The following EIF4ENIF1 variants were observed in gnomAD, a reference collection of about 807,000 sequenced individuals.
The protein encoded by EIF4ENIF1 is eukaryotic translation initiation factor 4E nuclear import factor 1.
EIF4ENIF1 carries 23 observed loss-of-function variants against 110.5 expected under a neutral mutation model. The observed-to-expected ratio is 0.21, with a 90% CI of 0.15 to 0.29. The LOEUF (loss-of-function observed/expected upper bound fraction) is 0.29. Ranked by LOEUF, EIF4ENIF1 falls within the 10% of genes least tolerant of loss-of-function variation. The pLI is 1.00. For synonymous variants in EIF4ENIF1, 440 were observed against 437.0 expected, an observed-to-expected ratio of 1.01 and a Z score of -0.09; for missense variants, 1,031 against 1,221.1, an observed-to-expected ratio of 0.84 and a Z score of 2.32.
intron 2 of EIF4ENIF1, among the ~76,000 whole-genome samples, chr22:31,485,953 CA>C (rs201549013): frequency 6.7e-6 from 1 of 149,190 alleles, no homozygotes; most frequent in East Asian, 2.0e-4. Flanking sequence ...ACTAAAAATA[CA>C]AAAAAAAATA....
In EIF4ENIF1 at chr22:31,454,334, C is replaced by A; in HGVS notation, c.1322G>T (p.Gly441Val). The change falls in exon 10 of 19, where the codon GGT becomes GTT. Residue 441 changes from glycine (G) to valine (V), a missense_variant. Gly to Val is a moderately radical substitution (Grantham distance 109, BLOSUM62 -3). Around this residue, in one of 3 missense-constraint regions of EIF4ENIF1, gnomAD observed 704 missense variants for 879.7 expected, o/e 0.80. Coordinates refer to ENST00000330125, the MANE Select transcript of EIF4ENIF1 (RefSeq NM_019843.4). ...VVLSVEEVEA[G>V]LKGLKVDQQV... ...CTGGTCAACCTTCAAGCCCTTCAGA[C>A]CTGCTTCTACCTCCTCCACTGAAAG... The A allele has an allele frequency of 3.1e-6, 5 of 1,614,156 alleles. No homozygotes were observed. The highest frequency in any genetic ancestry group is 4.2e-6 in the Non-Finnish European group (5 of 1,180,022).
intron 7 of EIF4ENIF1, among the ~76,000 whole-genome samples, chr22:31,457,203 A>C (rs1427783305): frequency 6.6e-6 from 1 of 152,202 alleles, no homozygotes; most frequent in African/African-American, 2.4e-5. Flanking sequence ...GAGAGTTTTC[A>C]GGTGTTTTCT....
rs745983478 is a variant in EIF4ENIF1 at position 31,487,657 on chromosome 22, G to C, written c.96+966C>G. Among the ~76,000 whole-genome samples the C allele has an allele frequency of 2.4e-4, 37 of 151,950 alleles. 1 individual carries two copies. The highest frequency in any genetic ancestry group is 1.9e-4 in the East Asian group (1 of 5,178). On this transcript the variant is annotated intron_variant, in intron 2 of 18. Transcript: ENST00000330125. Reference sequence around the variant, plus strand: ...ATACAAAAATTAGCCGAGCGTACTGGTGCACGCCTGTGGTCCCAGCTACTC... The same window carrying C: ...ATACAAAAATTAGCCGAGCGTACTGCTGCACGCCTGTGGTCCCAGCTACTC...
At position 31,455,884 on chromosome 22, in the gene EIF4ENIF1, G is replaced by A. The variant is rs1280065525; in HGVS notation, c.1067C>T (p.Ser356Leu). The change falls in exon 8 of 19, where the codon TCA becomes TTA. Residue 356 changes from serine (S) to leucine (L), a missense_variant. Coordinates refer to ENST00000330125, the MANE Select transcript of EIF4ENIF1 (RefSeq NM_019843.4). ...RSGSRSSSLG[S>L]TPHEELERLA... ...TCTCTCTAGCTCTTCATGTGGTGTTGACCCAAGACTGCTGGATCGGCTTCC... is the reference window on the plus strand; with the variant it reads ...TCTCTCTAGCTCTTCATGTGGTGTTAACCCAAGACTGCTGGATCGGCTTCC... The A allele has an allele frequency of 6.2e-7, 1 of 1,614,064 alleles. No individual in the cohort carries two copies. Among genetic ancestry groups the A allele is most frequent in the African/African-American group, 1.3e-5 (1 of 74,926 alleles).
intron 11 of EIF4ENIF1, 121 bp from the exon 12 acceptor site, chr22:31,449,652 T>A (rs541496293): frequency 1.2e-6 from 1 of 811,732 alleles, no homozygotes; most frequent in Admixed American, 2.8e-5. Context: ...ACTGAAGGAC[T>A]TGGCATGTGT....
At chr22:31,454,510 C>T (rs916569167) in intron 9 of EIF4ENIF1, 134 bp from the exon 10 acceptor site, 7 of 732,178 alleles carry the variant, frequency 9.6e-6, no homozygotes, top group Non-Finnish European at 1.5e-5. Flanking sequence ...AAGACTGACA[C>T]CAAAAATAAA....
chr22:31,452,402 T>C (rs1374120536), intron 10 of EIF4ENIF1, among the ~76,000 whole-genome samples: 1 of 152,344 alleles, frequency 6.6e-6, no homozygotes, highest in East Asian at 1.9e-4. Flanking sequence ...ATCCATCCGT[T>C]TGGCAGGTGT....
In EIF4ENIF1 at chr22:31,454,265, T is replaced by C; in HGVS notation, c.1391A>G (p.Glu464Gly). The C allele has an allele frequency of 1.2e-6, 2 of 1,614,178 alleles. No homozygotes were observed. Among genetic ancestry groups the C allele is most frequent in the Non-Finnish European group, 1.7e-6 (2 of 1,180,028 alleles). ...ATTGTTGGTTACGGCACTCAAGGTCTCTTCTAGGTGTTCTGCCATGAAGGG... is the reference window on the plus strand; with the variant it reads ...ATTGTTGGTTACGGCACTCAAGGTCCCTTCTAGGTGTTCTGCCATGAAGGG... ...STPFMAEHLEETLSAVTNNRQ... is the reference protein window; with the variant it reads ...STPFMAEHLEGTLSAVTNNRQ... Residue 464 changes from glutamate (E) to glycine (G), a missense_variant, in exon 10 of 19, where the codon GAG (glutamate) becomes GGG (glycine). Coordinates refer to ENST00000330125, the MANE Select transcript of EIF4ENIF1 (RefSeq NM_019843.4).
chr22:31,458,398 C>T (rs1480152776), intron 7 of EIF4ENIF1, 77 bp downstream of exon 7: 2 of 1,296,702 alleles, frequency 1.5e-6, no homozygotes, highest in Non-Finnish European at 2.0e-6. Flanking sequence ...TCTAGCAAAA[C>T]AACACTTTCA....
chr22:31,488,547 G>A (rs1266827389), intron 2 of EIF4ENIF1, 76 bp downstream of exon 2: 1 of 1,579,546 alleles, frequency 6.3e-7, no homozygotes, highest in Non-Finnish European at 8.7e-7. Flanking sequence ...CCACTTAATA[G>A]GAATGAAATA....
chr22:31,474,574 G>C (rs1470105786), intron 2 of EIF4ENIF1, among the ~76,000 whole-genome samples: 1 of 149,706 alleles, frequency 6.7e-6, no homozygotes, highest in Middle Eastern at 3.2e-3. Flanking sequence ...AGCTATTTCT[G>C]AGAAATCCTA....
At chr22:31,493,368 GC>G (rs1382701640), upstream of EIF4ENIF1, among the ~76,000 whole-genome samples, 1 of 151,844 alleles carries the variant, frequency 6.6e-6, no homozygotes, top group East Asian at 1.9e-4. Context: ...TTGCTCTGTC[GC>G]CCAGGCTAGA....
At chr22:31,450,843 CT>C (rs764369573) in intron 10 of EIF4ENIF1, 7,853 of 96,424 alleles carry the variant, frequency 0.081, 212 homozygotes, top group African/African-American at 0.11. Flanking sequence ...TATATATATA[CT>C]ACACACACAC....
rs1201803174 is a variant in EIF4ENIF1, at chr22:31,463,840, T to C, written c.426A>G (p.Lys142=). 12 of 1,613,922 alleles carry C rather than the reference T, an allele frequency of 7.4e-6. No homozygotes were observed. Among genetic ancestry groups the C allele is most frequent in the Non-Finnish European group, 1.0e-5 (12 of 1,180,026 alleles). The change falls in exon 5 of 19, where the codon AAA becomes AAG. Residue 142 remains lysine (K), a synonymous_variant. Transcript: ENST00000330125. The part of the protein sequence containing the change: ...SSRRSGSPLE[K]DSDGLRLLGG... ...CAAGCAGACGAAGCCCATCACTATC[T>C]TTCTCTAATGGACTTCCTGAGCGCC...
chr22:31,444,616 A>G lies in EIF4ENIF1; in HGVS notation c.2063T>C (p.Ile688Thr). The change falls in exon 15 of 19, where the codon ATC (isoleucine) becomes ACC (threonine). Residue 688 changes from isoleucine to threonine, a missense_variant. Transcript: ENST00000330125. ...NSSSPAPAAS[I>T]TSMLSPSFTP... ...CTAAAGGTCACTGACCATGCTTGTG[A>G]TGGAGGCAGCAGGGGCAGGGGAAGA... 6.2e-7 allele frequency: 1 copy of G among 1,614,100 alleles called. No individual in the cohort carries two copies. The highest frequency in any genetic ancestry group is 8.5e-7 in the Non-Finnish European group (1 of 1,179,978).
chr22:31,491,842 C>T (rs1263318645), upstream of EIF4ENIF1, among the ~76,000 whole-genome samples: 1 of 152,170 alleles, frequency 6.6e-6, no homozygotes, highest in African/African-American at 2.4e-5. Context: ...CACACCTGAG[C>T]TTTCTTGAAA....
At chr22:31,486,280 A>AAT (rs1569110362) in intron 2 of EIF4ENIF1, among the ~76,000 whole-genome samples, 6 of 120,232 alleles carry the variant, frequency 5.0e-5, no homozygotes, top group Admixed American at 4.1e-4. Flanking sequence ...CAAAAAAAAA[A>AAT]AAATAAAAAT....
intron 14 of EIF4ENIF1, chr22:31,447,062 T>C (rs1210329760): frequency 2.2e-6 from 1 of 447,448 alleles, no homozygotes; most frequent in Non-Finnish European, 4.5e-6. Context: ...AAATGAATGG[T>C]TTAACTGGTA....
At chr22:31,473,183 C>G (rs1386226168) in intron 2 of EIF4ENIF1, among the ~76,000 whole-genome samples, 2 of 151,774 alleles carry the variant, frequency 1.3e-5, no homozygotes, top group African/African-American at 2.4e-5. Flanking sequence ...TTATCCAGCT[C>G]CATGAGAGAA....
Sources: gnomAD v4.1 joint callset for allele counts (sites outside exome capture counted in the v4.1 genomes callset) on GRCh38, gnomAD v4.1.1 for gene constraint, gnomAD v4.1.1 regional missense constraint, MANE v1.5 for transcripts, NCBI Gene and HGNC (gene_info 2026-07-23, HGNC 2026-07-21) for gene names.